The following SLC39A12 variants were observed in gnomAD, a reference collection of about 807,000 sequenced individuals.
SLC39A12 encodes zinc transporter ZIP12.
SLC39A12 carries 63 observed loss-of-function variants against 71.1 expected under a neutral mutation model. The observed-to-expected ratio is 0.89, with a 90% CI of 0.72 to 1.09. SLC39A12 has a LOEUF of 1.09. Among genes scored for constraint, SLC39A12 ranks in the 50% least tolerant of loss-of-function variants. The pLI is 0.00. For missense variants in SLC39A12, 892 were observed against 812.6 expected, an observed-to-expected ratio of 1.10 and a Z score of -1.19; for synonymous variants, 351 against 301.3, an observed-to-expected ratio of 1.16 and a Z score of -1.71.
chr10:17,995,823 T>A, intron 10 of SLC39A12, 101 bp downstream of exon 10: 1 of 993,174 alleles, frequency 1.0e-6, no homozygotes, highest in Non-Finnish European at 1.5e-6. Flanking sequence ...TCATATTGGG[T>A]ATGTAGTTTA....
At chr10:17,995,785 A>T in intron 10 of SLC39A12, 63 bp downstream of exon 10, 1 of 1,421,388 alleles carries the variant, frequency 7.0e-7, no homozygotes. Context: ...TGTCTGTTTT[A>T]AAATAAAATG....
chr10:18,025,400 C>T (rs1836649128), intron 12 of SLC39A12, among the ~76,000 whole-genome samples: 1 of 151,916 alleles, frequency 6.6e-6, no homozygotes, highest in African/African-American at 2.4e-5. Context: ...CACCTCACAA[C>T]AGGCCCCGGT....
chr10:18,003,237 G>C lies in SLC39A12; in HGVS notation c.1826G>C (p.Ser609Thr). ...MKTAILMNFI[S>T]SLTAFMGLYI... ...ACTGCCATCCTGATGAATTTTATAA[G>C]CTCCCTAACTGCCTTCATGGGATTA... The change falls in exon 12 of 13, where the codon AGC (serine) becomes ACC (threonine). Residue 609 changes from serine (S) to threonine (T), a missense_variant. By Grantham distance (58) the Ser-to-Thr change is moderately conservative. Coordinates refer to ENST00000377369, the MANE Select transcript of SLC39A12 (RefSeq NM_001145195.2). 6.2e-7 allele frequency: 1 copy of C among 1,614,034 alleles called. No homozygotes were observed. The highest frequency in any genetic ancestry group is 1.3e-5 in the African/African-American group (1 of 75,018).
chr10:17,999,642 G>A (rs2478573), intron 10 of SLC39A12, among the ~76,000 whole-genome samples: 114,264 of 152,108 alleles, frequency 0.75, 45,267 homozygotes, highest in Non-Finnish European at 0.88. Context: ...CTGACCAGAT[G>A]ATATATATTA....
At chr10:18,016,884 A>G (rs1399115709) in intron 12 of SLC39A12, among the ~76,000 whole-genome samples, 1 of 152,086 alleles carries the variant, frequency 6.6e-6, no homozygotes, top group Non-Finnish European at 1.5e-5. Flanking sequence ...TTAATTGGAA[A>G]TTGTCTGTTT....
chr10:18,019,995 C>A (rs1339609443), intron 12 of SLC39A12, among the ~76,000 whole-genome samples: 1 of 151,874 alleles, frequency 6.6e-6, no homozygotes, highest in Non-Finnish European at 1.5e-5. Flanking sequence ...TTTTTATCTT[C>A]CAATTTTTTT....
chr10:17,993,253 C>T lies in SLC39A12; in HGVS notation c.1495C>T (p.Gln499Ter). The change falls in exon 9 of 13, where the codon CAG (glutamine) becomes TAG (stop). Residue 499 changes from glutamine (Q) to a stop codon, truncating the protein, a stop_gained. Coordinates refer to ENST00000377369, the MANE Select transcript of SLC39A12 (RefSeq NM_001145195.2). LOFTEE classifies it high-confidence loss of function. Reference sequence around the variant, plus strand: ...TGCACTCAACTCTGAATTAAGTGACCAGGCAGGCAGAGGCAAATCTGCTTC... The same window carrying T: ...TGCACTCAACTCTGAATTAAGTGACTAGGCAGGCAGAGGCAAATCTGCTTC... ...HLALNSELSD[Q>*]AGRGKSASTI... 1.9e-6 allele frequency: 3 copies of T among 1,551,880 alleles called. No individual in the cohort carries two copies. The highest frequency in any genetic ancestry group is 2.6e-6 in the Non-Finnish European group (3 of 1,146,978).
chr10:17,997,099 A>G (rs951668656), intron 10 of SLC39A12, among the ~76,000 whole-genome samples: 1 of 152,060 alleles, frequency 6.6e-6, no homozygotes, highest in Admixed American at 6.6e-5. Context: ...GTGACCATTC[A>G]TTCATTCATG....
chr10:18,033,121 T>G (rs1254211424), intron 12 of SLC39A12, among the ~76,000 whole-genome samples: 93 of 142,498 alleles, frequency 6.5e-4, no homozygotes, highest in African/African-American at 2.2e-3. Context: ...CTTTTTTGGT[T>G]GTGTCTCTGC....
chr10:18,013,469 G>A (rs960190748), intron 12 of SLC39A12, among the ~76,000 whole-genome samples: 1 of 151,646 alleles, frequency 6.6e-6, no homozygotes, highest in Non-Finnish European at 1.5e-5. Context: ...CTAGGATCAA[G>A]TGATTCTCCT....
chr10:17,984,302 C>T (rs1353869099), intron 6 of SLC39A12, among the ~76,000 whole-genome samples: 1 of 152,192 alleles, frequency 6.6e-6, no homozygotes, highest in African/African-American at 2.4e-5. Context: ...ATTTGCTAAC[C>T]TCTGAAGTTA....
chr10:17,953,936 T>C (rs889173750), intron 2 of SLC39A12, among the ~76,000 whole-genome samples: 5 of 152,242 alleles, frequency 3.3e-5, no homozygotes. Flanking sequence ...TTGCCCAACA[T>C]TGGGTTTTTG....
intron 2 of SLC39A12, among the ~76,000 whole-genome samples, chr10:17,958,251 A>G (rs1834599479): frequency 6.6e-6 from 1 of 152,136 alleles, no homozygotes; most frequent in African/African-American, 2.4e-5. Context: ...ATGTTCTGCC[A>G]TGTGCTCATA....
intron 6 of SLC39A12, among the ~76,000 whole-genome samples, chr10:17,984,260 A>G (rs1835346672): frequency 6.6e-6 from 1 of 152,252 alleles, no homozygotes; most frequent in Non-Finnish European, 1.5e-5. Flanking sequence ...CATGAAAGCA[A>G]GTGAAATATG....
intron 12 of SLC39A12, among the ~76,000 whole-genome samples, chr10:18,037,780 T>C (rs1411063489): frequency 6.6e-6 from 1 of 151,868 alleles, no homozygotes; most frequent in Non-Finnish European, 1.5e-5. Context: ...TCCCAGCACT[T>C]TGGGAGGCCA....
chr10:18,039,591 G>T (rs1013461269), intron 12 of SLC39A12, among the ~76,000 whole-genome samples: 4 of 152,034 alleles, frequency 2.6e-5, no homozygotes, highest in African/African-American at 9.7e-5. Flanking sequence ...AGCTGGGTAG[G>T]GTAGTATGCA....
Position 18,042,838 on chromosome 10 carries a change from G to T in SLC39A12, c.*5G>T. On this transcript the variant is annotated 3_prime_UTR_variant, in exon 13 of 13. Transcript: ENST00000377369. ...GAGCAAAATATTAAAATATAAGTGAGGATCTTCAACATCTTTCAAAAATGC... is the reference window on the plus strand; with the variant it reads ...GAGCAAAATATTAAAATATAAGTGATGATCTTCAACATCTTTCAAAAATGC... 6.3e-7 allele frequency: 1 copy of T among 1,599,542 alleles called. No homozygotes were observed. The highest frequency in any genetic ancestry group is 1.1e-5 in the South Asian group (1 of 87,862).
chr10:18,009,017 C>A (rs539959947), intron 12 of SLC39A12, among the ~76,000 whole-genome samples: 2 of 152,122 alleles, frequency 1.3e-5, no homozygotes, highest in Admixed American at 1.3e-4. Flanking sequence ...ATAAGAGAGA[C>A]TTTATTTTTA....
chr10:17,971,455 ACTGTGTC>A (rs1033212151), intron 4 of SLC39A12, among the ~76,000 whole-genome samples: 69 of 151,942 alleles, frequency 4.5e-4, no homozygotes, highest in African/African-American at 1.6e-3. Flanking sequence ...CAGTGAAGCC[ACTGTGTC>A]CTGGGCTTTT....
Sources: allele counts gnomAD v4.1 joint callset (sites outside exome capture counted in the v4.1 genomes callset), GRCh38; gene constraint gnomAD v4.1.1; transcripts MANE v1.5; gene names NCBI Gene and HGNC (gene_info 2026-07-23, HGNC 2026-07-21).